The following SPINK6 variants were observed in gnomAD, a reference collection of about 807,000 sequenced individuals.
SPINK6 encodes the protein serine peptidase inhibitor Kazal type 6.
In SPINK6, 13 loss-of-function variants were observed where a neutral mutation model predicts 11.7. The ratio of observed to expected loss-of-function variants is 1.11; its 90% CI spans 0.72 to 1.76. The LOEUF (loss-of-function observed/expected upper bound fraction) is 1.76, where lower values mean the gene tolerates loss of function less well. SPINK6 is among the 40% of genes most tolerant of loss of function. The pLI, the probability that SPINK6 is intolerant of heterozygous loss-of-function variation, is 0.00. For synonymous variants in SPINK6, 21 were observed against 31.9 expected, an observed-to-expected ratio of 0.66 and a Z score of 1.15; for missense variants, 98 against 93.7, an observed-to-expected ratio of 1.05 and a Z score of -0.19.
chr5:148,206,278 A>G (rs1011788518), intron 2 of SPINK6, among the ~76,000 whole-genome samples: 4 of 151,892 alleles, frequency 2.6e-5, no homozygotes, highest in Non-Finnish European at 4.4e-5. Flanking sequence ...AATAAATATA[A>G]ATAAAAAATA....
chr5:148,207,727 GCTGAGGCAGGAGAATCCC>G (rs1755519148), intron 2 of SPINK6, among the ~76,000 whole-genome samples: 3 of 152,112 alleles, frequency 2.0e-5, no homozygotes, highest in Admixed American at 1.3e-4. Context: ...TACTTGGGAG[GCTGAGGCAGGAGAATCCC>G]CTGAGCCCAG....
intron 2 of SPINK6, among the ~76,000 whole-genome samples, chr5:148,213,357 C>T (rs1340693809): frequency 4.6e-5 from 7 of 151,976 alleles, no homozygotes; most frequent in Admixed American, 3.3e-4. Context: ...CCACCACACC[C>T]GGCTAATTTT....
Position 148,213,987 on chromosome 5 carries a change from G to A in SPINK6, c.159G>A (p.Gln53=), listed in dbSNP as rs748169811. 3.1e-6 allele frequency: 5 copies of A among 1,613,540 alleles called. No homozygotes were observed. The South Asian group carries it at 5.5e-5, about 18-fold the overall frequency. The change falls in exon 3 of 4, where the codon CAG becomes CAA. Residue 53 remains glutamine, a synonymous_variant. Coordinates refer to ENST00000325630, the MANE Select transcript of SPINK6 (RefSeq NM_205841.4). ...ACCCACACTGTGGCTCTGATGGCCA[G>A]ACATATGGCAATAAATGTGCCTTCT... ...ESNPHCGSDG[Q]TYGNKCAFCK...
intron 2 of SPINK6, among the ~76,000 whole-genome samples, chr5:148,210,049 T>C (rs1755561779): frequency 1.4e-5 from 1 of 71,604 alleles, no homozygotes; most frequent in African/African-American, 3.3e-5. Context: ...TATGTATGCA[T>C]ATATGTATGT....
At chr5:148,204,127 T>A (rs189035579) in intron 1 of SPINK6, among the ~76,000 whole-genome samples, 2 of 129,474 alleles carry the variant, frequency 1.5e-5, no homozygotes, top group East Asian at 5.4e-4. Flanking sequence ...AGATTTTAAA[T>A]GGATGTACAA....
At chr5:148,208,482 T>G (rs1032072489) in intron 2 of SPINK6, among the ~76,000 whole-genome samples, 1 of 152,202 alleles carries the variant, frequency 6.6e-6, no homozygotes, top group African/African-American at 2.4e-5. Flanking sequence ...ATTCTTCTCA[T>G]GCCAAGAATT....
chr5:148,206,611 A>C (rs181580987), intron 2 of SPINK6, among the ~76,000 whole-genome samples: 15 of 152,308 alleles, frequency 9.8e-5, no homozygotes, highest in African/African-American at 3.4e-4. Context: ...GGATATACAG[A>C]CTGATTCACT....
chr5:148,202,970 C>A (rs748442643), upstream of SPINK6: 27 of 584,388 alleles, frequency 4.6e-5, no homozygotes, highest in Non-Finnish European at 8.0e-5. Flanking sequence ...TTGGCAGGCC[C>A]CATTAAATGC....
chr5:148,203,076 C>T lies in SPINK6; in HGVS notation c.-21C>T, dbSNP rs1335485707. The T allele has an allele frequency of 6.2e-7, 1 of 1,600,338 alleles. No individual in the cohort carries two copies. The highest frequency in any genetic ancestry group is 2.2e-5 in the East Asian group (1 of 44,772). ...CTCAGCTGGACAAAGCAGCCTTGAT[C>T]TGAGTGAGCTAACTGACACAATGAA... On this transcript the variant is annotated 5_prime_UTR_variant, in exon 1 of 4. Coordinates refer to ENST00000325630, the MANE Select transcript of SPINK6 (RefSeq NM_205841.4).
intron 3 of SPINK6, among the ~76,000 whole-genome samples, chr5:148,214,329 G>T (rs1755654677): frequency 6.6e-6 from 1 of 151,880 alleles, no homozygotes; most frequent in African/African-American, 2.4e-5. Flanking sequence ...TAATAATTTT[G>T]ATATGTTTTA....
At chr5:148,214,816 G>T in intron 3 of SPINK6, 89 bp from the exon 4 acceptor site, 1 of 981,052 alleles carries the variant, frequency 1.0e-6, no homozygotes, top group South Asian at 1.5e-5. Context: ...TAATTAAATG[G>T]ACCATGCCAT....
intron 2 of SPINK6, among the ~76,000 whole-genome samples, chr5:148,206,382 A>G (rs760460696): frequency 2.0e-5 from 3 of 151,856 alleles, no homozygotes; most frequent in Non-Finnish European, 4.4e-5. Flanking sequence ...AAGTTCCACA[A>G]CTATAGAAAA....
chr5:148,212,516 A>AAG lies in SPINK6; in HGVS notation c.82-1394_82-1393insAG, dbSNP rs1755613382. Among the ~76,000 whole-genome samples the AAG allele has an allele frequency of 1.5e-4, 19 of 125,152 alleles. No individual in the cohort carries two copies. In the East Asian group the frequency reaches 4.0e-3, roughly 27 times the overall value. 82.1% of individuals were successfully genotyped at this position (125,152 alleles called of 152,430 possible). A position where few individuals can be genotyped will look rare whatever the true frequency, so the allele number is the denominator to read the frequency against. The stretch of plus-strand genomic sequence containing the variant: ...TATATATAAAGTATATATTTTATAT[A>AAG]TATAAAGTATATATTTTATATAAGT... On this transcript the variant is annotated intron_variant, in intron 2 of 3. Transcript: ENST00000325630.
chr5:148,215,098 T>C lies in SPINK6; in HGVS notation c.*148T>C. 1.6e-6 allele frequency: 1 copy of C among 614,666 alleles called. No individual in the cohort carries two copies. Among genetic ancestry groups the C allele is most frequent in the Non-Finnish European group, 2.8e-6 (1 of 352,718 alleles). 38.1% of individuals were successfully genotyped at this position (614,666 alleles called of 1,614,324 possible). ...GAGGAGTTCAATGTATGTCTATTTC[T>C]CTTGATTCACTTGTCAATAAAGTAC... On this transcript the variant is annotated 3_prime_UTR_variant, in exon 4 of 4. Coordinates refer to ENST00000325630, the MANE Select transcript of SPINK6 (RefSeq NM_205841.4).
intron 2 of SPINK6, among the ~76,000 whole-genome samples, chr5:148,212,582 TAAA>T (rs1561733698): frequency 1.2e-4 from 12 of 103,116 alleles, no homozygotes; most frequent in African/African-American, 5.0e-4. Flanking sequence ...ATATATTATA[TAAA>T]TATATTTTAT....
intron 1 of SPINK6, among the ~76,000 whole-genome samples, chr5:148,204,089 A>G (rs1475126891): frequency 6.6e-6 from 1 of 152,198 alleles, no homozygotes; most frequent in South Asian, 2.1e-4. Context: ...TTTGTGTGAC[A>G]GTAGCAGATG....
chr5:148,210,695 C>T (rs1455355745), intron 2 of SPINK6, among the ~76,000 whole-genome samples: 3 of 151,616 alleles, frequency 2.0e-5, no homozygotes, highest in Non-Finnish European at 2.9e-5. Context: ...AAGAAACAGA[C>T]GACCAGAGAA....
intron 3 of SPINK6, among the ~76,000 whole-genome samples, chr5:148,214,233 C>T (rs1163727348): frequency 1.3e-5 from 2 of 152,240 alleles, no homozygotes; most frequent in African/African-American, 4.8e-5. Flanking sequence ...ATCTTAATCG[C>T]TTTGCTTTGT....
chr5:148,210,047 CATAT>C (rs1237718147), intron 2 of SPINK6, among the ~76,000 whole-genome samples: 1 of 88,720 alleles, frequency 1.1e-5, no homozygotes, highest in South Asian at 4.0e-4. Context: ...CGTATGTATG[CATAT>C]ATGTATGTAT....
Sources: gnomAD v4.1 joint callset for allele counts (sites outside exome capture counted in the v4.1 genomes callset) on GRCh38, gnomAD v4.1.1 for gene constraint, MANE v1.5 for transcripts, NCBI Gene and HGNC (gene_info 2026-07-23, HGNC 2026-07-21) for gene names.